The following BMPR1A variants were observed in gnomAD, a reference collection of about 807,000 sequenced individuals.
BMPR1A encodes the protein bone morphogenetic protein receptor type 1A, also known as bone morphogenetic protein receptor type-1A.
In BMPR1A, 7 loss-of-function variants were observed where a neutral mutation model predicts 66.0. The observed-to-expected ratio is 0.11, with a 90% confidence interval of 0.06 to 0.20. The LOEUF (loss-of-function observed/expected upper bound fraction) is 0.20, where lower values mean the gene tolerates loss of function less well. BMPR1A is among the 10% of genes least tolerant of loss of function. The pLI is 1.00. For missense variants in BMPR1A, 408 were observed against 669.1 expected, an observed-to-expected ratio of 0.61 and a Z score of 4.31; for synonymous variants, 200 against 229.7, an observed-to-expected ratio of 0.87 and a Z score of 1.17.
At chr10:86,906,135 T>C (rs1299438002) in intron 7 of BMPR1A, among the ~76,000 whole-genome samples, 1 of 152,226 alleles carries the variant, frequency 6.6e-6, no homozygotes, top group Non-Finnish European at 1.5e-5. Flanking sequence ...TCACTGGCTA[T>C]AGAATTCTGG....
intron 8 of BMPR1A, among the ~76,000 whole-genome samples, chr10:86,916,591 G>C (rs1437515495): frequency 6.6e-6 from 1 of 152,270 alleles, no homozygotes; most frequent in Non-Finnish European, 1.5e-5. Flanking sequence ...ACCCACGACT[G>C]TGTGCACTGG....
intron 1 of BMPR1A, among the ~76,000 whole-genome samples, chr10:86,779,707 C>A (rs1841406538): frequency 6.6e-6 from 1 of 152,130 alleles, no homozygotes; most frequent in Non-Finnish European, 1.5e-5. Flanking sequence ...TTAGGCAATC[C>A]TCCTACCTCA....
At chr10:86,911,166 A>C (rs1843476909) in intron 7 of BMPR1A, among the ~76,000 whole-genome samples, 1 of 151,664 alleles carries the variant, frequency 6.6e-6, no homozygotes, top group African/African-American at 2.4e-5. Context: ...AAAAAAAAAA[A>C]AAAAAAAAAA....
At chr10:86,843,515 G>A (rs1018992298) in intron 2 of BMPR1A, 10 of 152,164 alleles carry the variant, frequency 6.6e-5, no homozygotes, top group African/African-American at 1.7e-4. Context: ...AGCAAGGTAT[G>A]TATATAAGTA....
chr10:86,777,559 G>A (rs1841371173), intron 1 of BMPR1A, among the ~76,000 whole-genome samples: 1 of 151,910 alleles, frequency 6.6e-6, no homozygotes, highest in African/African-American at 2.4e-5. Flanking sequence ...TCCAGTGGGT[G>A]ACTGAGCCTG....
At chr10:86,836,021 G>A (rs1202253420) in intron 1 of BMPR1A, among the ~76,000 whole-genome samples, 1 of 152,044 alleles carries the variant, frequency 6.6e-6, no homozygotes, top group Non-Finnish European at 1.5e-5. Flanking sequence ...TTAAAGAATT[G>A]CCTTCTTTTT....
intron 1 of BMPR1A, among the ~76,000 whole-genome samples, chr10:86,772,421 C>T (rs187696166): frequency 1.3e-5 from 2 of 152,180 alleles, no homozygotes; most frequent in Non-Finnish European, 2.9e-5. Context: ...TGAGCCACCG[C>T]GCCCGGCCAG....
intron 7 of BMPR1A, among the ~76,000 whole-genome samples, chr10:86,907,077 T>G (rs937611741): frequency 6.6e-6 from 1 of 152,222 alleles, no homozygotes; most frequent in African/African-American, 2.4e-5. Flanking sequence ...GTGTATTCTG[T>G]TACCACCTTC....
At chr10:86,906,072 A>C (rs1433005600) in intron 7 of BMPR1A, among the ~76,000 whole-genome samples, 1 of 152,082 alleles carries the variant, frequency 6.6e-6, no homozygotes, top group East Asian at 1.9e-4. Flanking sequence ...GCTGGCTGTA[A>C]GTCCTCTCAG....
At chr10:86,828,852 G>T (rs192284732) in intron 1 of BMPR1A, among the ~76,000 whole-genome samples, 1 of 152,226 alleles carries the variant, frequency 6.6e-6, no homozygotes, top group East Asian at 1.9e-4. Flanking sequence ...AAAAGAAAGA[G>T]GGTGTTATCA....
intron 2 of BMPR1A, among the ~76,000 whole-genome samples, chr10:86,842,473 T>C (rs1282714593): frequency 6.6e-6 from 1 of 152,042 alleles, no homozygotes; most frequent in Non-Finnish European, 1.5e-5. Flanking sequence ...GAATTTAGAA[T>C]AGGAGAGAGA....
intron 1 of BMPR1A, among the ~76,000 whole-genome samples, chr10:86,770,828 A>G (rs1476330067): frequency 1.3e-5 from 2 of 152,220 alleles, no homozygotes; most frequent in Non-Finnish European, 2.9e-5. Context: ...AGGGATAGGG[A>G]TAGAGAAACA....
intron 3 of BMPR1A, chr10:86,889,663 G>A (rs760613386): frequency 3.5e-5 from 8 of 227,214 alleles, no homozygotes; most frequent in Admixed American, 5.3e-5. Flanking sequence ...TGACCCCTGC[G>A]ATTTCCCCAA....
intron 1 of BMPR1A, among the ~76,000 whole-genome samples, chr10:86,780,422 T>G (rs1841419295): frequency 6.6e-6 from 1 of 152,156 alleles, no homozygotes; most frequent in Non-Finnish European, 1.5e-5. Context: ...TTTCTTACAG[T>G]GGTTTTTATC....
intron 1 of BMPR1A, among the ~76,000 whole-genome samples, chr10:86,821,952 C>T (rs1197998321): frequency 6.6e-6 from 1 of 152,046 alleles, no homozygotes; most frequent in Non-Finnish European, 1.5e-5. Flanking sequence ...AGCAGGCACG[C>T]ACCACCACAC....
Position 86,904,753 on chromosome 10 carries a change from T to C in BMPR1A, c.530+4627T>C, listed in dbSNP as rs150880317. The stretch of plus-strand genomic sequence containing the variant: ...GACTACTCATCTGAGACTCAGGCCA[T>C]GGACACTCAAGTGAGTGACCTATAA... On this transcript the variant is annotated intron_variant, in intron 7 of 12. Coordinates refer to ENST00000372037, the MANE Select transcript of BMPR1A (RefSeq NM_004329.3). 1.3e-3 allele frequency among the ~76,000 whole-genome samples: 196 copies of C among 152,240 alleles called. 6 individuals carry two copies. The East Asian group carries it at 0.037, about 29-fold the overall frequency.
chr10:86,786,371 A>G (rs4934262), intron 1 of BMPR1A, among the ~76,000 whole-genome samples: 83,338 of 151,790 alleles, frequency 0.55, 24,635 homozygotes, highest in African/African-American at 0.76. Context: ...TCTCCTCCTG[A>G]TATTTCAGGA....
At chr10:86,889,315 G>A (rs115717945) in intron 3 of BMPR1A, among the ~76,000 whole-genome samples, 1,862 of 152,250 alleles carry the variant, frequency 0.012, 49 homozygotes, top group African/African-American at 0.042. Flanking sequence ...TGACCTCGAG[G>A]TGAAAATCTC....
intron 1 of BMPR1A, among the ~76,000 whole-genome samples, chr10:86,838,505 C>CT (rs983813663): frequency 6.6e-6 from 1 of 150,776 alleles, no homozygotes; most frequent in African/African-American, 2.4e-5. Flanking sequence ...ATATTTTTGT[C>CT]TAAGTAGGAA....
Sources: allele counts gnomAD v4.1 joint callset (sites outside exome capture counted in the v4.1 genomes callset), GRCh38; gene constraint gnomAD v4.1.1; transcripts MANE v1.5; gene names NCBI Gene and HGNC (gene_info 2026-07-23, HGNC 2026-07-21).